PLCG2: variants seen among roughly 807,000 people sequenced by gnomAD.
PLCG2 encodes the protein phospholipase C gamma 2.
A neutral mutation model predicts 175.6 loss-of-function variants in PLCG2; 69 were observed. The ratio of observed to expected loss-of-function variants is 0.39; its 90% CI spans 0.32 to 0.48. The LOEUF (loss-of-function observed/expected upper bound fraction) is 0.48. Ranked by LOEUF, PLCG2 falls within the 20% of genes least tolerant of loss-of-function variation. The probability of loss-of-function intolerance (pLI) is 0.91; values close to 1 mark genes in which losing one functional copy is unlikely to be tolerated. For missense variants in PLCG2, 1,798 were observed against 1,650.9 expected, an observed-to-expected ratio of 1.09 and a Z score of -1.54; for synonymous variants, 827 against 624.0, an observed-to-expected ratio of 1.33 and a Z score of -4.85.
intron 2 of PLCG2, among the ~76,000 whole-genome samples, chr16:81,795,749 G>C (rs1911440332): frequency 6.6e-6 from 1 of 152,008 alleles, no homozygotes; most frequent in African/African-American, 2.4e-5. Context: ...GCCCAGGCTG[G>C]AGTACAGTGG....
intron 5 of PLCG2, among the ~76,000 whole-genome samples, chr16:81,862,348 C>A (rs914465030): frequency 6.6e-6 from 1 of 152,190 alleles, no homozygotes; most frequent in African/African-American, 2.4e-5. Flanking sequence ...TTGTTTACAG[C>A]CTTCTTTGCA....
At chr16:81,956,013 A>G (rs1022294440) in intron 31 of PLCG2, among the ~76,000 whole-genome samples, 1 of 152,166 alleles carries the variant, frequency 6.6e-6, no homozygotes, top group African/African-American at 2.4e-5. Context: ...ATTTTAGAAC[A>G]TTTCCAACAC....
chr16:81,907,622 C>A, intron 15 of PLCG2, 63 bp from the exon 16 acceptor site: 1 of 1,204,582 alleles, frequency 8.3e-7, no homozygotes, highest in Non-Finnish European at 1.2e-6. Context: ...TGCAGGGCTC[C>A]TGGGCTCCAC....
At chr16:81,885,559 G>A (rs943606795) in intron 9 of PLCG2, among the ~76,000 whole-genome samples, 3 of 152,032 alleles carry the variant, frequency 2.0e-5, no homozygotes, top group African/African-American at 7.2e-5. Flanking sequence ...GAATTCTAAA[G>A]CAAACCCCAG....
chr16:81,897,296 A>G (rs1285739746), intron 13 of PLCG2, among the ~76,000 whole-genome samples: 1 of 152,178 alleles, frequency 6.6e-6, no homozygotes, highest in Admixed American at 6.5e-5. Flanking sequence ...AGTTACGAGT[A>G]TGGGTTCTGA....
At chr16:81,845,694 G>T (rs1567494871) in intron 2 of PLCG2, among the ~76,000 whole-genome samples, 1 of 152,234 alleles carries the variant, frequency 6.6e-6, no homozygotes, top group African/African-American at 2.4e-5. Context: ...ACCGCTCTCT[G>T]TGCAGCTCTG....
chr16:81,839,118 T>G (rs1254749542), intron 2 of PLCG2, among the ~76,000 whole-genome samples: 1 of 152,216 alleles, frequency 6.6e-6, no homozygotes, highest in African/African-American at 2.4e-5. Context: ...GCAGTTCCTA[T>G]TGTATATGGT....
intron 2 of PLCG2, among the ~76,000 whole-genome samples, chr16:81,807,857 G>A (rs572278657): frequency 2.0e-5 from 3 of 152,086 alleles, no homozygotes; most frequent in Non-Finnish European, 4.4e-5. Flanking sequence ...GAGGGAGGGA[G>A]GTGCCACATA....
chr16:81,863,472 C>A (rs1943963555), intron 5 of PLCG2, among the ~76,000 whole-genome samples: 1 of 152,198 alleles, frequency 6.6e-6, no homozygotes, highest in South Asian at 2.1e-4. Context: ...TGAGTTGCTT[C>A]CACGTTTTGG....
upstream of PLCG2, among the ~76,000 whole-genome samples, chr16:81,775,735 A>G (rs1910384861): frequency 6.6e-6 from 1 of 151,956 alleles, no homozygotes; most frequent in African/African-American, 2.4e-5. Flanking sequence ...TTAAAATGTA[A>G]TTTTCTTTCA....
chr16:81,891,134 G>A (rs1400690101), intron 10 of PLCG2, among the ~76,000 whole-genome samples: 1 of 152,180 alleles, frequency 6.6e-6, no homozygotes. Context: ...CTGCACTCCA[G>A]CCTGGGCAAC....
At chr16:81,957,207 G>A (rs1911609520) in intron 32 of PLCG2, among the ~76,000 whole-genome samples, 1 of 152,130 alleles carries the variant, frequency 6.6e-6, no homozygotes, top group Non-Finnish European at 1.5e-5. Flanking sequence ...GCTGAGGCAG[G>A]AGAATCATTT....
chr16:81,779,019 A>T (rs1051078514), upstream of PLCG2, among the ~76,000 whole-genome samples: 4 of 152,072 alleles, frequency 2.6e-5, no homozygotes, highest in African/African-American at 9.7e-5. Flanking sequence ...CAGGAATGCC[A>T]TGATATTGGG....
chr16:81,946,763 C>T lies in PLCG2; in HGVS notation c.3570+500C>T, dbSNP rs142216358. Among the ~76,000 whole-genome samples the T allele has an allele frequency of 2.7e-3, 407 of 152,272 alleles. 4 individuals carry two copies. Among genetic ancestry groups the T allele is most frequent in the African/African-American group, 8.3e-3 (346 of 41,558 alleles). The stretch of plus-strand genomic sequence containing the variant: ...AGGTGAGTACCTTTTTCCTCCTTTA[C>T]GCCAGAATTCTTTCCTTAGGATCAA... On this transcript the variant is annotated intron_variant, in intron 31 of 32. Coordinates refer to ENST00000564138, the MANE Select transcript of PLCG2 (RefSeq NM_002661.5).
intron 31 of PLCG2, among the ~76,000 whole-genome samples, chr16:81,955,197 G>A (rs1911519880): frequency 6.6e-6 from 1 of 152,106 alleles, no homozygotes; most frequent in Admixed American, 6.5e-5. Context: ...CTTCTCCAAA[G>A]TCACAGTTCC....
intron 31 of PLCG2, among the ~76,000 whole-genome samples, chr16:81,946,945 C>G (rs1351307007): frequency 1.3e-5 from 2 of 151,996 alleles, no homozygotes; most frequent in East Asian, 1.9e-4. Flanking sequence ...CCCCAGCTCA[C>G]TGAAGATCTG....
intron 2 of PLCG2, among the ~76,000 whole-genome samples, chr16:81,818,602 T>G (rs1904654970): frequency 6.6e-6 from 1 of 152,102 alleles, no homozygotes; most frequent in African/African-American, 2.4e-5. Context: ...TTCTGGAGGC[T>G]TCAGTGGCCT....
intron 7 of PLCG2, among the ~76,000 whole-genome samples, chr16:81,879,185 G>C (rs1046776833): frequency 6.6e-6 from 1 of 152,158 alleles, no homozygotes; most frequent in African/African-American, 2.4e-5. Flanking sequence ...CACACACTGG[G>C]CTCCCTCCAG....
chr16:81,805,767 GTTTTTTTT>G (rs766609754), intron 2 of PLCG2, among the ~76,000 whole-genome samples: 1 of 39,520 alleles, frequency 2.5e-5, no homozygotes, highest in Admixed American at 2.1e-4. Context: ...GTTTTGTTTT[GTTTTTTTT>G]TTTTTTTGTT....
Sources: allele counts gnomAD v4.1 joint callset (sites outside exome capture counted in the v4.1 genomes callset), GRCh38; gene constraint gnomAD v4.1.1; transcripts MANE v1.5; gene names NCBI Gene and HGNC (gene_info 2026-07-23, HGNC 2026-07-21).